Variants in KAZN observed in about 807,000 individuals in gnomAD.
The protein encoded by KAZN is kazrin, periplakin interacting protein.
In KAZN, 40 loss-of-function variants were observed where a neutral mutation model predicts 87.4. The ratio of observed to expected loss-of-function variants is 0.46; its 90% CI spans 0.36 to 0.60. The LOEUF (loss-of-function observed/expected upper bound fraction) is 0.60. Ranked by LOEUF, KAZN falls within the 20% of genes least tolerant of loss-of-function variation. KAZN has a pLI of 0.00. For missense variants in KAZN, 898 were observed against 1,073.9 expected, an observed-to-expected ratio of 0.84 and a Z score of 2.29; for synonymous variants, 466 against 458.3, an observed-to-expected ratio of 1.02 and a Z score of -0.22.
intron 2 of KAZN, among the ~76,000 whole-genome samples, chr1:14,486,347 A>G (rs1240716503): frequency 6.6e-6 from 1 of 152,172 alleles, no homozygotes; most frequent in East Asian, 1.9e-4. Context: ...TCACAAATGA[A>G]ATTATTTTTA....
At chr1:13,962,256 T>G in intron 1 of KAZN, among the ~76,000 whole-genome samples, 1 of 150,710 alleles carries the variant, frequency 6.6e-6, no homozygotes, top group Non-Finnish European at 1.5e-5. Flanking sequence ...AGTAGGGGGG[T>G]CGGGGCGGAG....
At chr1:14,414,647 A>T (rs1163036797) in intron 2 of KAZN, among the ~76,000 whole-genome samples, 1 of 152,142 alleles carries the variant, frequency 6.6e-6, no homozygotes, top group Non-Finnish European at 1.5e-5. Flanking sequence ...TGTGTGTTAT[A>T]CGTATGTAGC....
chr1:14,934,701 T>G (rs1319434911), intron 1 of KAZN, among the ~76,000 whole-genome samples: 1 of 152,242 alleles, frequency 6.6e-6, no homozygotes, highest in Non-Finnish European at 1.5e-5. Flanking sequence ...ACTGGAGGCA[T>G]CAGGCAGGGA....
At chr1:14,718,512 T>C (rs1642924673) in intron 1 of KAZN, among the ~76,000 whole-genome samples, 1 of 152,226 alleles carries the variant, frequency 6.6e-6, no homozygotes, top group Admixed American at 6.5e-5. Flanking sequence ...TTTCACAAAT[T>C]TAGGCTCTTG....
At chr1:15,008,611 G>A (rs993109805) in intron 2 of KAZN, among the ~76,000 whole-genome samples, 3 of 152,248 alleles carry the variant, frequency 2.0e-5, no homozygotes, top group African/African-American at 4.8e-5. Context: ...TCAAAGGCCA[G>A]AGGTTATGTG....
chr1:14,763,203 T>A (rs888292442), intron 1 of KAZN, among the ~76,000 whole-genome samples: 4 of 152,260 alleles, frequency 2.6e-5, no homozygotes, highest in Admixed American at 2.6e-4. Context: ...CCATTCTGCA[T>A]GCTGAAGGCA....
At position 14,883,341 on chromosome 1, in the gene KAZN, A is replaced by AGAGAGAGAGAGAGAGAGAGAGAAAGAAAG. The variant is rs1553150560; in HGVS notation, c.227-77341_227-77340insGAGAGAGAGAGAGAGAGAGAAAGAAAGGA. On this transcript the variant is annotated intron_variant, in intron 1 of 14. Coordinates refer to ENST00000376030, the MANE Select transcript of KAZN (RefSeq NM_201628.3). ...GAAAGAGAGAGAGAGAGAGAGAGAG[A>AGAGAGAGAGAGAGAGAGAGAGAAAGAAAG]GAAAGAAAGAAAGAAAAGAAAGAAA... Among the ~76,000 whole-genome samples, 5 of 29,542 alleles carry AGAGAGAGAGAGAGAGAGAGAGAAAGAAAG rather than the reference A, an allele frequency of 1.7e-4. 1 individual carries two copies. The highest frequency in any genetic ancestry group is 2.9e-3 in the East Asian group (1 of 342). 19.4% of individuals were successfully genotyped at this position (29,542 alleles called of 152,430 possible). A position where few individuals can be genotyped will look rare whatever the true frequency, so the allele number is the denominator to read the frequency against.
At chr1:14,378,951 G>A (rs534135256) in intron 2 of KAZN, among the ~76,000 whole-genome samples, 28 of 151,282 alleles carry the variant, frequency 1.9e-4, no homozygotes, top group African/African-American at 4.9e-4. Flanking sequence ...CCGCCAAACC[G>A]AGGCTGCACA....
At chr1:14,022,741 C>T (rs1452983631) in intron 1 of KAZN, among the ~76,000 whole-genome samples, 1 of 152,038 alleles carries the variant, frequency 6.6e-6, no homozygotes, top group Non-Finnish European at 1.5e-5. Context: ...CCCATCATGA[C>T]CTTTTTTCTT....
chr1:14,932,643 G>C (rs2101586685), intron 1 of KAZN, among the ~76,000 whole-genome samples: 1 of 152,200 alleles, frequency 6.6e-6, no homozygotes, highest in East Asian at 1.9e-4. Flanking sequence ...CTTAGCTTGG[G>C]AAGCCTGAGA....
At chr1:14,182,556 C>T (rs1045610923) in intron 2 of KAZN, among the ~76,000 whole-genome samples, 2 of 152,122 alleles carry the variant, frequency 1.3e-5, no homozygotes, top group Non-Finnish European at 2.9e-5. Context: ...CCTGCTAACC[C>T]CAGTCCTGTA....
chr1:14,475,919 T>C (rs1034115591), intron 2 of KAZN, among the ~76,000 whole-genome samples: 1 of 152,168 alleles, frequency 6.6e-6, no homozygotes, highest in Non-Finnish European at 1.5e-5. Flanking sequence ...GCTCTTCTTT[T>C]GTGTTATCTT....
chr1:14,358,104 A>G (rs1484253038), intron 2 of KAZN, among the ~76,000 whole-genome samples: 3 of 151,974 alleles, frequency 2.0e-5, no homozygotes, highest in Admixed American at 2.0e-4. Flanking sequence ...AGTGCTTGTT[A>G]TTGGTCTATT....
chr1:14,929,991 G>C, intron 1 of KAZN: 1 of 985,612 alleles, frequency 1.0e-6, no homozygotes, highest in Non-Finnish European at 1.2e-6. Context: ...AGCCCGTCAT[G>C]TGCTGCAGTG....
At chr1:14,500,482 T>G (rs1670178146) in intron 2 of KAZN, among the ~76,000 whole-genome samples, 1 of 152,108 alleles carries the variant, frequency 6.6e-6, no homozygotes. Flanking sequence ...TATAGATGCC[T>G]ATTTTTTAAA....
chr1:14,975,309 C>T (rs1337972201), intron 2 of KAZN, among the ~76,000 whole-genome samples: 2 of 152,206 alleles, frequency 1.3e-5, no homozygotes, highest in East Asian at 1.9e-4. Flanking sequence ...TAGGTCTGAC[C>T]ACCTGGCCCA....
intron 1 of KAZN, among the ~76,000 whole-genome samples, chr1:14,662,332 C>T (rs1008313293): frequency 1.3e-5 from 2 of 152,104 alleles, no homozygotes; most frequent in Non-Finnish European, 2.9e-5. Context: ...TTGCTGACAC[C>T]ATAGGCCAGG....
At chr1:14,665,932 C>CAAAAAAAAAAAAAAAA (rs60081619) in intron 1 of KAZN, among the ~76,000 whole-genome samples, 1 of 108,044 alleles carries the variant, frequency 9.3e-6, no homozygotes, top group African/African-American at 3.7e-5. Flanking sequence ...AAGCTTTGCT[C>CAAAAAAAAAAAAAAAA]AAAAAAAAAA....
intron 2 of KAZN, among the ~76,000 whole-genome samples, chr1:14,273,868 A>C (rs1209032056): frequency 6.6e-6 from 1 of 151,632 alleles, no homozygotes; most frequent in African/African-American, 2.4e-5. Context: ...TGGGGCTTTG[A>C]TGAAAAGGAT....
Sources: allele counts gnomAD v4.1 joint callset (sites outside exome capture counted in the v4.1 genomes callset), GRCh38; gene constraint gnomAD v4.1.1; transcripts MANE v1.5; gene names NCBI Gene and HGNC (gene_info 2026-07-23, HGNC 2026-07-21).